IPO11: variants seen among roughly 807,000 people sequenced by gnomAD.
IPO11 encodes importin 11, also known as importin-11.
IPO11 carries 66 observed loss-of-function variants against 143.2 expected under a neutral mutation model. The observed-to-expected ratio is 0.46, with a 90% CI of 0.38 to 0.57. The LOEUF is 0.57. IPO11 is among the 20% of genes least tolerant of loss of function. IPO11 has a pLI of 0.00. For synonymous variants in IPO11, 385 were observed against 377.8 expected (o/e 1.02, Z -0.22); for missense variants, 1,026 against 1,141.0 (o/e 0.90, Z 1.45).
At chr5:62,437,584 A>G (rs905821805) in intron 2 of IPO11, among the ~76,000 whole-genome samples, 167 bp downstream of exon 2, 2 of 152,166 alleles carry the variant, frequency 1.3e-5, no homozygotes, top group African/African-American at 4.8e-5. Context: ...AGGGTGTTAA[A>G]TAAATATTTA....
rs1746638057 is a variant in IPO11 at position 62,627,770 on chromosome 5, C to T, written c.*452C>T. The T allele has an allele frequency of 6.5e-6, 1 of 152,824 alleles. No individual in the cohort carries two copies. Among genetic ancestry groups the T allele is most frequent in the Non-Finnish European group, 1.5e-5 (1 of 68,320 alleles). 9.5% of individuals were successfully genotyped at this position (152,824 alleles called of 1,614,324 possible). On this transcript the variant is annotated 3_prime_UTR_variant, in exon 30 of 30. Coordinates refer to ENST00000325324, the MANE Select transcript of IPO11 (RefSeq NM_016338.5). ...AAATGACAAAGCTGTTCAGATGATG[C>T]TATTAAAGAAATGTGTGTACTAAGC...
At chr5:62,496,896 G>A (rs1561335251) in intron 16 of IPO11, among the ~76,000 whole-genome samples, 1 of 152,076 alleles carries the variant, frequency 6.6e-6, no homozygotes, top group Non-Finnish European at 1.5e-5. Context: ...ATTGTCACAC[G>A]GCTATCAGAG....
chr5:62,429,149 A>C lies in IPO11; in HGVS notation c.-6-8125A>C, dbSNP rs141967126. On this transcript the variant is annotated intron_variant, in intron 1 of 29. Transcript: ENST00000325324. ...GTTTTAGAACATTTTCATCGTTCCAAATAGCAGTTGCTCCACATTTCCCCC... is the reference window on the plus strand; with the variant it reads ...GTTTTAGAACATTTTCATCGTTCCACATAGCAGTTGCTCCACATTTCCCCC... Among the ~76,000 whole-genome samples the C allele has an allele frequency of 1.4e-3, 206 of 152,304 alleles. 1 individual carries two copies. The highest frequency in any genetic ancestry group is 4.6e-3 in the African/African-American group (193 of 41,554).
At chr5:62,487,684 T>C in intron 12 of IPO11, 87 bp from the exon 13 acceptor site, 1 of 1,257,044 alleles carries the variant, frequency 8.0e-7, no homozygotes, top group Non-Finnish European at 1.0e-6. Context: ...TTTTAGAATT[T>C]TAAGATTAAG....
chr5:62,476,043 A>G (rs923334055), intron 8 of IPO11, among the ~76,000 whole-genome samples: 1 of 152,246 alleles, frequency 6.6e-6, no homozygotes, highest in Non-Finnish European at 1.5e-5. Context: ...GTGGGCAGAC[A>G]CTGTCCTGGG....
chr5:62,459,987 A>G (rs2112178338), intron 5 of IPO11, among the ~76,000 whole-genome samples: 2 of 152,364 alleles, frequency 1.3e-5, no homozygotes, highest in Admixed American at 1.3e-4. Context: ...ACTGCCATGT[A>G]ACTATTACCT....
Position 62,530,777 on chromosome 5 carries a change from C to A in IPO11, c.2081C>A (p.Pro694Gln). 1 of 1,608,718 alleles carries A rather than the reference C, an allele frequency of 6.2e-7. No individual in the cohort carries two copies. The highest frequency in any genetic ancestry group is 8.5e-7 in the Non-Finnish European group (1 of 1,175,488). ...ELLRIFQNMS[P>Q]LLELSSENLR... is the part of the protein sequence containing the mutation. ...CTTCGTATATTTCAGAATATGTCAC[C>A]ACTTCTTGGTATGTGTTAAAGCATA... The change falls in exon 22 of 30, where the codon CCA becomes CAA. Residue 694 changes from proline (P) to glutamine (Q), a missense_variant. Pro to Gln is a moderately conservative substitution (Grantham distance 76). Around this residue, in one of 5 missense-constraint regions of IPO11, gnomAD observed 351 missense variants for 358.9 expected, o/e 0.98. Transcript: ENST00000325324.
At chr5:62,565,321 T>C (rs1743896357) in intron 27 of IPO11, among the ~76,000 whole-genome samples, 1 of 152,074 alleles carries the variant, frequency 6.6e-6, no homozygotes, top group Non-Finnish European at 1.5e-5. Flanking sequence ...ATCTCATCTC[T>C]ACTAAAAATA....
At chr5:62,499,019 C>T (rs1009375536) in intron 16 of IPO11, among the ~76,000 whole-genome samples, 2 of 152,168 alleles carry the variant, frequency 1.3e-5, no homozygotes, top group African/African-American at 2.4e-5. Flanking sequence ...AATCAGAAAG[C>T]GTGTAGTTTG....
chr5:62,592,657 G>A (rs1410963715), intron 28 of IPO11, among the ~76,000 whole-genome samples: 3 of 152,102 alleles, frequency 2.0e-5, no homozygotes, highest in Admixed American at 1.3e-4. Context: ...TCACAGTTTC[G>A]CAGGGCTGGG....
rs962344795 is a variant in IPO11 at position 62,563,501 on chromosome 5, C to T, written c.2582+2244C>T. Among the ~76,000 whole-genome samples, 9 of 152,226 alleles carry T rather than the reference C, an allele frequency of 5.9e-5. No homozygotes were observed. In the East Asian group the frequency reaches 1.7e-3, roughly 29 times the overall value. On this transcript the variant is annotated intron_variant, in intron 27 of 29. Transcript: ENST00000325324. ...TATGTAAGTGTGTGGTTGTTCAAAA[C>T]TATTTTTGACATGTAAGTTGTGGAA...
chr5:62,562,303 A>G (rs1375078268), intron 27 of IPO11: 2 of 152,204 alleles, frequency 1.3e-5, no homozygotes, highest in African/African-American at 4.8e-5. Context: ...AAGAATAATG[A>G]TACTACATTA....
chr5:62,461,585 T>A (rs1013206758), intron 5 of IPO11, among the ~76,000 whole-genome samples: 4 of 152,182 alleles, frequency 2.6e-5, no homozygotes. Flanking sequence ...TTTCGTAGGC[T>A]AGCTAGAGAG....
intron 27 of IPO11, chr5:62,561,929 G>A (rs1743786566): frequency 6.6e-6 from 1 of 152,082 alleles, no homozygotes; most frequent in South Asian, 2.1e-4. Context: ...AGCTTCATTG[G>A]TGACTCTTCC....
chr5:62,618,575 A>G lies in IPO11; in HGVS notation c.2764-8579A>G, dbSNP rs189272450. Among the ~76,000 whole-genome samples, 37 of 152,322 alleles carry G rather than the reference A, an allele frequency of 2.4e-4. No individual in the cohort carries two copies. In the East Asian group the frequency reaches 2.7e-3, roughly 11 times the overall value. On this transcript the variant is annotated intron_variant, in intron 29 of 29. Transcript: ENST00000325324. ...CTGGCCAATTTAATCAAGGGGTGGA[A>G]GAATAAACATAAAATATTAGGGATA...
rs559328825 is a variant in IPO11 at position 62,413,740 on chromosome 5, G to C, written c.-7+811G>C. ...GATTTCGGTTATTCTTCAGAAGGAA[G>C]AATAGTTTGTAGCCATAATGCTTTT... On this transcript the variant is annotated intron_variant, in intron 1 of 29. Coordinates refer to ENST00000325324, the MANE Select transcript of IPO11 (RefSeq NM_016338.5). 3.9e-5 allele frequency among the ~76,000 whole-genome samples: 6 copies of C among 152,276 alleles called. No homozygotes were observed. The South Asian group carries it at 1.0e-3, about 26-fold the overall frequency.
At chr5:62,613,795 G>A (rs923653862) in intron 29 of IPO11, among the ~76,000 whole-genome samples, 1 of 152,086 alleles carries the variant, frequency 6.6e-6, no homozygotes, top group African/African-American at 2.4e-5. Flanking sequence ...CTATAAGGAA[G>A]CCCATAAATC....
chr5:62,421,898 G>A (rs1429908274), intron 1 of IPO11, among the ~76,000 whole-genome samples: 1 of 152,206 alleles, frequency 6.6e-6, no homozygotes, highest in South Asian at 2.1e-4. Context: ...CAGCTTTATA[G>A]ACAGTGATGT....
intron 24 of IPO11, among the ~76,000 whole-genome samples, chr5:62,539,507 T>A (rs1742853316): frequency 6.6e-6 from 1 of 152,196 alleles, no homozygotes; most frequent in South Asian, 2.1e-4. Context: ...TATTAGTTTC[T>A]TTTTTAGAGC....
Sources: gnomAD v4.1 joint callset for allele counts (sites outside exome capture counted in the v4.1 genomes callset) on GRCh38, gnomAD v4.1.1 for gene constraint, gnomAD v4.1.1 regional missense constraint, MANE v1.5 for transcripts, NCBI Gene and HGNC (gene_info 2026-07-23, HGNC 2026-07-21) for gene names.